The following STK38L variants were observed in gnomAD, a reference collection of about 807,000 sequenced individuals.
STK38L encodes serine/threonine-protein kinase 38-like.
A neutral mutation model predicts 59.7 loss-of-function variants in STK38L; 28 were observed. The observed-to-expected ratio is 0.47, with a 90% confidence interval of 0.35 to 0.64. STK38L has a LOEUF of 0.64. Ranked by LOEUF, STK38L falls within the 30% of genes least tolerant of loss-of-function variation. The pLI is 0.01. For synonymous variants in STK38L, 162 were observed against 176.8 expected, an observed-to-expected ratio of 0.92 and a Z score of 0.66; for missense variants, 314 against 555.8, an observed-to-expected ratio of 0.56 and a Z score of 4.37.
At chr12:27,248,580 A>G (rs1047747299) in intron 1 of STK38L, among the ~76,000 whole-genome samples, 2 of 152,234 alleles carry the variant, frequency 1.3e-5, no homozygotes, top group African/African-American at 2.4e-5. Flanking sequence ...CTAACTGTCC[A>G]GCAGGATCCA....
At chr12:27,306,391 G>A (rs550711623) in intron 3 of STK38L, among the ~76,000 whole-genome samples, 9 of 151,844 alleles carry the variant, frequency 5.9e-5, no homozygotes, top group Admixed American at 4.6e-4. Flanking sequence ...TAAAGGACAT[G>A]ATACTATAGT....
intron 1 of STK38L, among the ~76,000 whole-genome samples, chr12:27,266,518 C>CT (rs1342423024): frequency 2.0e-5 from 3 of 152,140 alleles, no homozygotes; most frequent in Non-Finnish European, 4.4e-5. Context: ...ACACCTAGAT[C>CT]TTTTTTTGTT....
At chr12:27,279,801 A>AT (rs760408788) in intron 1 of STK38L, among the ~76,000 whole-genome samples, 1 of 151,936 alleles carries the variant, frequency 6.6e-6, no homozygotes, top group Non-Finnish European at 1.5e-5. Context: ...GAAAAATACA[A>AT]TTTTTTATAA....
intron 11 of STK38L, among the ~76,000 whole-genome samples, chr12:27,319,075 C>T (rs1234109229): frequency 6.6e-6 from 1 of 152,028 alleles, no homozygotes; most frequent in Non-Finnish European, 1.5e-5. Flanking sequence ...AAAAAGCAGA[C>T]CTAACATAGT....
At chr12:27,295,269 G>A (rs1245673589) in intron 1 of STK38L, among the ~76,000 whole-genome samples, 1 of 152,164 alleles carries the variant, frequency 6.6e-6, no homozygotes, top group South Asian at 2.1e-4. Context: ...AAGCCATTGT[G>A]GCTTTCCTGT....
At chr12:27,249,582 C>T (rs1942928368) in intron 1 of STK38L, among the ~76,000 whole-genome samples, 1 of 152,206 alleles carries the variant, frequency 6.6e-6, no homozygotes, top group African/African-American at 2.4e-5. Flanking sequence ...AGGTGATCCG[C>T]CCGCCTCGGC....
intron 1 of STK38L, among the ~76,000 whole-genome samples, chr12:27,270,439 G>A (rs577618738): frequency 2.6e-5 from 4 of 152,090 alleles, no homozygotes; most frequent in Admixed American, 6.5e-5. Context: ...GTGCAGTGGC[G>A]TGATCTCAGC....
intron 1 of STK38L, among the ~76,000 whole-genome samples, chr12:27,290,383 G>C (rs1042566698): frequency 1.3e-5 from 2 of 152,164 alleles, no homozygotes; most frequent in Admixed American, 6.5e-5. Context: ...AACCTTATAA[G>C]GTTGGCATTT....
In STK38L at chr12:27,317,499, G is replaced by T. The variant is rs761271974; in HGVS notation, c.955+46G>T. ...ATGTACAAAATATATACATTTCCTT[G>T]AGTGCCATTGTTTGAACATATTACA... On this transcript the variant is annotated intron_variant, in intron 10 of 13. Coordinates refer to ENST00000389032, the MANE Select transcript of STK38L (RefSeq NM_015000.4). 11 of 1,412,114 alleles carry T rather than the reference G, an allele frequency of 7.8e-6. No individual in the cohort carries two copies. The South Asian group carries it at 1.4e-4, about 18-fold the overall frequency. The allele number at this position is 1,412,114 out of a possible 1,614,324, so 87.5% of individuals were successfully genotyped here.
chr12:27,260,208 C>G (rs916854700), intron 1 of STK38L, among the ~76,000 whole-genome samples: 3 of 152,134 alleles, frequency 2.0e-5, no homozygotes, highest in Non-Finnish European at 2.9e-5. Flanking sequence ...TTCTAAAGCT[C>G]ACAAGTTTCA....
intron 1 of STK38L, among the ~76,000 whole-genome samples, chr12:27,269,849 G>A (rs1320496582): frequency 1.3e-5 from 2 of 152,054 alleles, no homozygotes; most frequent in African/African-American, 4.8e-5. Context: ...CGCCATGTTG[G>A]CCAGGCTGGT....
At chr12:27,316,813 T>C (rs1944595733) in intron 9 of STK38L, among the ~76,000 whole-genome samples, 3 of 152,240 alleles carry the variant, frequency 2.0e-5, no homozygotes, top group Non-Finnish European at 4.4e-5. Flanking sequence ...ATGCCGTTTA[T>C]TGTTTCATCT....
At chr12:27,274,577 T>C (rs1943493389) in intron 1 of STK38L, among the ~76,000 whole-genome samples, 1 of 152,256 alleles carries the variant, frequency 6.6e-6, no homozygotes, top group Non-Finnish European at 1.5e-5. Flanking sequence ...GTCCATTTCA[T>C]GTGTTTAATA....
intron 6 of STK38L, among the ~76,000 whole-genome samples, chr12:27,313,709 AT>A (rs1944515282): frequency 6.6e-6 from 1 of 152,080 alleles, no homozygotes; most frequent in Admixed American, 6.5e-5. Flanking sequence ...GCCTCAAAAA[AT>A]ATATGAAAAA....
chr12:27,244,877 G>T (rs777346699), intron 1 of STK38L, among the ~76,000 whole-genome samples: 13 of 152,206 alleles, frequency 8.5e-5, no homozygotes, highest in Non-Finnish European at 1.9e-4. Flanking sequence ...ACCAGTCTTA[G>T]AATCTGTCTT....
intron 6 of STK38L, 22 bp from the exon 7 acceptor site, chr12:27,314,481 AT>A: frequency 6.7e-7 from 1 of 1,488,192 alleles, no homozygotes; most frequent in Non-Finnish European, 9.0e-7. Flanking sequence ...CAATAATAAT[AT>A]ATTTGACTAT....
At chr12:27,273,898 A>G (rs1464682589) in intron 1 of STK38L, among the ~76,000 whole-genome samples, 1 of 152,220 alleles carries the variant, frequency 6.6e-6, no homozygotes, top group Non-Finnish European at 1.5e-5. Context: ...TTGAAACATA[A>G]GTACGTGTGG....
chr12:27,290,717 G>A (rs1307813823), intron 1 of STK38L, among the ~76,000 whole-genome samples: 1 of 152,224 alleles, frequency 6.6e-6, no homozygotes, highest in Non-Finnish European at 1.5e-5. Flanking sequence ...GGGCACGTGG[G>A]AATGGAGAGT....
intron 1 of STK38L, among the ~76,000 whole-genome samples, chr12:27,269,343 A>G (rs1414048618): frequency 1.3e-5 from 2 of 152,226 alleles, no homozygotes; most frequent in East Asian, 3.8e-4. Flanking sequence ...ATATATGGCT[A>G]GCCAGTTTTC....
Sources: allele counts gnomAD v4.1 joint callset (sites outside exome capture counted in the v4.1 genomes callset), GRCh38; gene constraint gnomAD v4.1.1; transcripts MANE v1.5; gene names NCBI Gene and HGNC (gene_info 2026-07-23, HGNC 2026-07-21).